LARGE1: variants seen among roughly 807,000 people sequenced by gnomAD.
LARGE1 encodes LARGE xylosyl- and glucuronyltransferase 1.
A neutral mutation model predicts 87.6 loss-of-function variants in LARGE1; 43 were observed. The ratio of observed to expected loss-of-function variants is 0.49; its 90% confidence interval spans 0.38 to 0.63. The LOEUF is 0.63. Ranked by LOEUF, LARGE1 falls within the 30% of genes least tolerant of loss-of-function variation. The pLI is 0.00. For missense variants in LARGE1, 802 were observed against 1,000.2 expected (o/e 0.80, Z 2.67); for synonymous variants, 434 against 394.6 (o/e 1.10, Z -1.18).
At chr22:33,418,684 C>G (rs2066585766) in intron 7 of LARGE1, among the ~76,000 whole-genome samples, 1 of 152,110 alleles carries the variant, frequency 6.6e-6, no homozygotes, top group Non-Finnish European at 1.5e-5. Context: ...GCCTGGGCAA[C>G]AGCCAGGGGG....
chr22:33,564,322 C>T (rs62227072), intron 6 of LARGE1, among the ~76,000 whole-genome samples: 9,611 of 152,054 alleles, frequency 0.063, 434 homozygotes, highest in Non-Finnish European at 0.097. Context: ...ACCTTGAGGC[C>T]GTGACGAGAG....
chr22:33,892,260 A>T (rs1374470446), intron 1 of LARGE1, among the ~76,000 whole-genome samples: 2 of 152,124 alleles, frequency 1.3e-5, no homozygotes, highest in Non-Finnish European at 2.9e-5. Flanking sequence ...GCTGATCTAG[A>T]CTGGGCTTGG....
rs1335733517 is a variant in LARGE1 at position 33,860,151 on chromosome 22, T to A, written c.-83+59844A>T. On this transcript the variant is annotated intron_variant, in intron 1 of 14. Transcript: ENST00000397394. Reference sequence around the variant, plus strand: ...AATTAAAAAATTTTAAATTTTTTTTTAAATTAAAAAAAAATTTTTTTGTAC... The same window carrying A: ...AATTAAAAAATTTTAAATTTTTTTTAAAATTAAAAAAAAATTTTTTTGTAC... 2.6e-5 allele frequency among the ~76,000 whole-genome samples: 4 copies of A among 152,200 alleles called. No homozygotes were observed. In the East Asian group the frequency reaches 7.7e-4, roughly 29 times the overall value.
chr22:33,541,174 T>C (rs1438385925), intron 6 of LARGE1, among the ~76,000 whole-genome samples: 1 of 126,564 alleles, frequency 7.9e-6, no homozygotes. Flanking sequence ...AGCAAGACCC[T>C]GTCTCAAAAA....
intron 2 of LARGE1, among the ~76,000 whole-genome samples, chr22:33,758,001 C>T (rs2084583742): frequency 1.3e-5 from 2 of 152,148 alleles, no homozygotes; most frequent in Non-Finnish European, 2.9e-5. Flanking sequence ...TCTCGCTCAG[C>T]TCCCTCCCAC....
chr22:33,921,498 G>A (rs1020750673), upstream of LARGE1, among the ~76,000 whole-genome samples: 1 of 151,992 alleles, frequency 6.6e-6, no homozygotes, highest in Admixed American at 6.5e-5. This position sits in a 1 kb window ranked among gnomAD's most constrained non-coding sequence, Gnocchi z 4.1. Flanking sequence ...AAGTTTCCCC[G>A]CCTCGGGTCG....
the LARGE1 span, among the ~76,000 whole-genome samples, chr22:33,100,152 A>G: frequency 1.3e-5 from 2 of 152,108 alleles, no homozygotes; most frequent in South Asian, 2.1e-4. Context: ...CCTGGCCAAC[A>G]TGGCAAAACC....
chr22:33,767,262 C>T (rs991405627), intron 1 of LARGE1, among the ~76,000 whole-genome samples: 3 of 151,400 alleles, frequency 2.0e-5, no homozygotes, highest in Non-Finnish European at 4.4e-5. Flanking sequence ...GCGGAGGTTA[C>T]AATCAGCTGA....
chr22:33,494,170 G>C (rs1438017105), intron 6 of LARGE1, among the ~76,000 whole-genome samples: 2 of 152,218 alleles, frequency 1.3e-5, no homozygotes, highest in African/African-American at 2.4e-5. Flanking sequence ...AGAAAGCTTT[G>C]CATATGGTCT....
At chr22:33,717,039 A>G (rs2082932703) in intron 2 of LARGE1, among the ~76,000 whole-genome samples, 1 of 152,208 alleles carries the variant, frequency 6.6e-6, no homozygotes, top group African/African-American at 2.4e-5. Context: ...ATGATTCCCA[A>G]CTGATACCCA....
chr22:33,882,972 A>T (rs1176276322), intron 1 of LARGE1, among the ~76,000 whole-genome samples: 2 of 152,226 alleles, frequency 1.3e-5, no homozygotes, highest in East Asian at 3.9e-4. Flanking sequence ...CATGACACAC[A>T]GCCAGATGAA....
At chr22:33,129,135 G>A in the LARGE1 span, among the ~76,000 whole-genome samples, 1 of 152,200 alleles carries the variant, frequency 6.6e-6, no homozygotes, top group African/African-American at 2.4e-5. Flanking sequence ...TCTATTTGGT[G>A]AGTCATAACC....
chr22:33,762,982 G>T (rs963589752), intron 1 of LARGE1, among the ~76,000 whole-genome samples: 1 of 152,154 alleles, frequency 6.6e-6, no homozygotes, highest in Non-Finnish European at 1.5e-5. Flanking sequence ...AGCTGGCTTG[G>T]TTCTCCCCTT....
chr22:33,856,210 G>A (rs1187513516), intron 1 of LARGE1, among the ~76,000 whole-genome samples: 1 of 152,174 alleles, frequency 6.6e-6, no homozygotes, highest in Non-Finnish European at 1.5e-5. Context: ...GCTGAACTGT[G>A]GCCATACCCG....
chr22:33,634,501 T>A (rs1419836099), intron 3 of LARGE1, among the ~76,000 whole-genome samples: 2 of 152,038 alleles, frequency 1.3e-5, no homozygotes, highest in East Asian at 3.9e-4. Flanking sequence ...TTCCAATTCC[T>A]CTCAAGTAGA....
chr22:33,603,527 C>T (rs1411996935), intron 5 of LARGE1, among the ~76,000 whole-genome samples: 17 of 152,140 alleles, frequency 1.1e-4, no homozygotes, highest in Admixed American at 1.1e-3. Flanking sequence ...CTGTGGAAGT[C>T]AGGCTGTTTC....
At chr22:33,490,214 C>G (rs2069770580) in intron 6 of LARGE1, among the ~76,000 whole-genome samples, 2 of 152,186 alleles carry the variant, frequency 1.3e-5, no homozygotes, top group Non-Finnish European at 2.9e-5. Flanking sequence ...ACCAAGTTCA[C>G]ATTACTAAAG....
intron 6 of LARGE1, among the ~76,000 whole-genome samples, chr22:33,451,849 C>G (rs964960537): frequency 6.6e-6 from 1 of 151,534 alleles, no homozygotes; most frequent in Non-Finnish European, 1.5e-5. Flanking sequence ...GAGCCACCGC[C>G]CCCGGCCGGG....
intron 9 of LARGE1, among the ~76,000 whole-genome samples, chr22:33,348,285 C>A (rs1219025864): frequency 7.5e-6 from 1 of 134,042 alleles, no homozygotes; most frequent in African/African-American, 2.8e-5. Flanking sequence ...CACCCACCCC[C>A]CCCCAAAAAA....
Sources: allele counts gnomAD v4.1 joint callset (sites outside exome capture counted in the v4.1 genomes callset), GRCh38; gene constraint gnomAD v4.1.1; non-coding constraint Gnocchi (gnomAD v3.1); transcripts MANE v1.5; gene names NCBI Gene and HGNC (gene_info 2026-07-23, HGNC 2026-07-21).